CADPS: variants seen among roughly 807,000 people sequenced by gnomAD.
CADPS encodes calcium-dependent secretion activator 1.
CADPS carries 57 observed loss-of-function variants against 167.3 expected under a neutral mutation model. The ratio of observed to expected loss-of-function variants is 0.34; its 90% CI spans 0.28 to 0.42. CADPS has a LOEUF of 0.42. Ranked by LOEUF, CADPS falls within the 20% of genes least tolerant of loss-of-function variation. The probability of loss-of-function intolerance (pLI) is 1.00; values close to 1 mark genes in which losing one functional copy is unlikely to be tolerated. For missense variants in CADPS, 1,414 were observed against 1,738.1 expected, an observed-to-expected ratio of 0.81 and a Z score of 3.32; for synonymous variants, 676 against 635.3, an observed-to-expected ratio of 1.06 and a Z score of -0.96.
chr3:62,548,140 G>T (rs557510015), intron 11 of CADPS, among the ~76,000 whole-genome samples: 1 of 152,206 alleles, frequency 6.6e-6, no homozygotes, highest in African/African-American at 2.4e-5. Flanking sequence ...TTTTCAAGAG[G>T]TTACGATAGG....
Position 62,645,835 on chromosome 3 carries a change from A to G in CADPS, c.1212T>C (p.Ile404=). The change falls in exon 6 of 30, where the codon ATT becomes ATC. Residue 404 remains isoleucine (I), a synonymous_variant. Transcript: ENST00000383710. ...VVLSFSLEVV[I]MEVQGLKSLA... Reference sequence around the variant, plus strand: ...AAGATTTGAGGCCTTGGACTTCCATAATTACCACCTGAAAAGAGAATTCCA... The same window carrying G: ...AAGATTTGAGGCCTTGGACTTCCATGATTACCACCTGAAAAGAGAATTCCA... 1 of 1,614,042 alleles carries G rather than the reference A, an allele frequency of 6.2e-7. No individual in the cohort carries two copies. Among genetic ancestry groups the G allele is most frequent in the Non-Finnish European group, 8.5e-7 (1 of 1,179,938 alleles).
intron 28 of CADPS, among the ~76,000 whole-genome samples, 158 bp downstream of exon 28, chr3:62,437,946 G>C (rs2055489594): frequency 6.6e-6 from 1 of 152,122 alleles, no homozygotes; most frequent in Non-Finnish European, 1.5e-5. Context: ...ACAGACACAA[G>C]ACAGATAAGA....
intron 26 of CADPS, among the ~76,000 whole-genome samples, chr3:62,447,183 G>C (rs576068410): frequency 1.3e-5 from 2 of 152,290 alleles, no homozygotes; most frequent in Admixed American, 6.5e-5. Context: ...CTTAGCCTTG[G>C]TTTCCAGATT....
chr3:62,872,240 T>C (rs1048909448), intron 1 of CADPS, among the ~76,000 whole-genome samples: 4 of 152,256 alleles, frequency 2.6e-5, no homozygotes, highest in African/African-American at 9.6e-5. Context: ...CTTTAAACTT[T>C]ACCACAGTGA....
intron 6 of CADPS, among the ~76,000 whole-genome samples, chr3:62,630,972 C>T (rs1005581156): frequency 6.6e-6 from 1 of 151,926 alleles, no homozygotes; most frequent in African/African-American, 2.4e-5. Flanking sequence ...TCCCAAGTGC[C>T]TAAATTTTCC....
chr3:62,851,234 C>T (rs1452844893), intron 1 of CADPS, among the ~76,000 whole-genome samples: 1 of 140,332 alleles, frequency 7.1e-6, no homozygotes, highest in Non-Finnish European at 1.5e-5. Flanking sequence ...ATCCAACTTG[C>T]CAGTCTGTGT....
At chr3:62,857,169 A>G (rs909802730) in intron 1 of CADPS, among the ~76,000 whole-genome samples, 3 of 152,126 alleles carry the variant, frequency 2.0e-5, no homozygotes, top group African/African-American at 7.2e-5. Flanking sequence ...AGGTAACAGA[A>G]TTTGTGAAAC....
intron 3 of CADPS, among the ~76,000 whole-genome samples, chr3:62,706,428 C>G (rs2082314178): frequency 6.6e-6 from 1 of 152,074 alleles, no homozygotes; most frequent in African/African-American, 2.4e-5. Flanking sequence ...GTGGAGGCCT[C>G]CCTATCTTGA....
intron 27 of CADPS, among the ~76,000 whole-genome samples, chr3:62,443,410 T>C (rs2149883881): frequency 6.6e-6 from 1 of 152,310 alleles, no homozygotes; most frequent in East Asian, 1.9e-4. Context: ...TCTTCTGCCC[T>C]CCAGAGTGTG....
chr3:62,871,022 C>T (rs1178241931), intron 1 of CADPS, among the ~76,000 whole-genome samples: 1 of 152,040 alleles, frequency 6.6e-6, no homozygotes, highest in African/African-American at 2.4e-5. Flanking sequence ...TTGTTTTGGT[C>T]ATAAATTATT....
Position 62,874,736 on chromosome 3 carries a change from G to C in CADPS, c.294C>G (p.Ser98Arg), listed in dbSNP as rs766482938. ...RPSSPSPSVV[S>R]EKEKEELERL... Reference sequence around the variant, plus strand: ...GCTCCAACTCTTCCTTCTCCTTCTCGCTCACCACCGACGGGCTGGGGCTGG... The same window carrying C: ...GCTCCAACTCTTCCTTCTCCTTCTCCCTCACCACCGACGGGCTGGGGCTGG... Residue 98 changes from serine (S) to arginine (R), a missense_variant, in exon 1 of 30, where the codon AGC (serine) becomes AGG (arginine). Physicochemically the swap from Ser to Arg is moderately radical, Grantham distance 110 (BLOSUM62 -1). Coordinates refer to ENST00000383710, the MANE Select transcript of CADPS (RefSeq NM_003716.4). The surrounding 1 kb of genome is among the most constrained non-coding windows in gnomAD (Gnocchi z 7.1). 2.0e-6 allele frequency: 3 copies of C among 1,516,978 alleles called. No homozygotes were observed. Among genetic ancestry groups the C allele is most frequent in the Admixed American group, 2.0e-5 (1 of 50,974 alleles). 94.0% of individuals were successfully genotyped at this position (1,516,978 alleles called of 1,614,324 possible). A position where few individuals can be genotyped will look rare whatever the true frequency, so the allele number is the denominator to read the frequency against.
At chr3:62,816,313 T>C (rs1258247617) in intron 1 of CADPS, among the ~76,000 whole-genome samples, 3 of 152,116 alleles carry the variant, frequency 2.0e-5, no homozygotes, top group African/African-American at 4.8e-5. Flanking sequence ...ATTGACTACT[T>C]GTGGGCTTAG....
intron 3 of CADPS, among the ~76,000 whole-genome samples, chr3:62,713,992 G>A (rs190837381): frequency 1.6e-4 from 24 of 151,856 alleles, no homozygotes; most frequent in South Asian, 6.2e-4. Flanking sequence ...CCAATACCTC[G>A]ACCTTTGGTT....
intron 3 of CADPS, among the ~76,000 whole-genome samples, chr3:62,686,070 T>C (rs1352999830): frequency 2.6e-5 from 4 of 152,204 alleles, no homozygotes; most frequent in South Asian, 4.1e-4. Context: ...ACATTGCATA[T>C]ATCAAAACAT....
At chr3:62,671,942 T>C (rs1486630680) in intron 3 of CADPS, among the ~76,000 whole-genome samples, 1 of 151,992 alleles carries the variant, frequency 6.6e-6, no homozygotes, top group Non-Finnish European at 1.5e-5. Context: ...TTTTAATTTA[T>C]TTTAATTTTT....
chr3:62,757,012 C>A (rs922447518), intron 2 of CADPS, among the ~76,000 whole-genome samples: 6 of 152,106 alleles, frequency 3.9e-5, no homozygotes, highest in Non-Finnish European at 8.8e-5. Flanking sequence ...AGTTCACATT[C>A]TTTGGCTTTA....
chr3:62,423,718 T>C (rs998703480), intron 28 of CADPS, among the ~76,000 whole-genome samples: 6 of 152,162 alleles, frequency 3.9e-5, no homozygotes, highest in Non-Finnish European at 5.9e-5. Flanking sequence ...ATTATTACAC[T>C]TAAGTGCCTA....
rs569555256 is a variant in CADPS, at chr3:62,689,556, T to C, written c.889-27162A>G. Among the ~76,000 whole-genome samples, 17 of 152,178 alleles carry C rather than the reference T, an allele frequency of 1.1e-4. No homozygotes were observed. The East Asian group carries it at 2.3e-3, about 21-fold the overall frequency. On this transcript the variant is annotated intron_variant, in intron 3 of 29. Coordinates refer to ENST00000383710, the MANE Select transcript of CADPS (RefSeq NM_003716.4). ...AACTGAATCACTGCTTTATAAAATG[T>C]AGTCTTTTTTTATACCATTCTCTGG...
rs4396888 is a variant in CADPS at position 62,557,448 on chromosome 3, T to C, written c.1710A>G (p.Leu570=). The change falls in exon 10 of 30, where the codon CTA becomes CTG. Residue 570 remains leucine, a synonymous_variant. Transcript: ENST00000383710. ...REKKAEPQEL[L]QLDGYTVDYT... Reference sequence around the variant, plus strand: ...AATCCACAGTGTAGCCATCCAATTGTAGAAGTTCCTGAGGCTCCGCTTTCT... The same window carrying C: ...AATCCACAGTGTAGCCATCCAATTGCAGAAGTTCCTGAGGCTCCGCTTTCT... 52,916 of 1,613,880 alleles carry C rather than the reference T, an allele frequency of 0.033. 1,199 individuals carry two copies. The highest frequency in any genetic ancestry group is 0.095 in the African/African-American group (7,156 of 74,960).
Sources: gnomAD v4.1 joint callset for allele counts (sites outside exome capture counted in the v4.1 genomes callset) on GRCh38, gnomAD v4.1.1 for gene constraint, Gnocchi (gnomAD v3.1) non-coding constraint, MANE v1.5 for transcripts, NCBI Gene and HGNC (gene_info 2026-07-23, HGNC 2026-07-21) for gene names.